DAB2IP: variants seen among roughly 807,000 people sequenced by gnomAD.
DAB2IP encodes DAB2 interacting protein.
A neutral mutation model predicts 107.2 loss-of-function variants in DAB2IP; 28 were observed. The ratio of observed to expected loss-of-function variants is 0.26; its 90% CI spans 0.19 to 0.36. The LOEUF (loss-of-function observed/expected upper bound fraction) is 0.36, where lower values mean the gene tolerates loss of function less well. DAB2IP is among the 10% of genes least tolerant of loss of function. DAB2IP has a pLI of 1.00. For synonymous variants in DAB2IP, 755 were observed against 706.4 expected, an observed-to-expected ratio of 1.07 and a Z score of -1.09; for missense variants, 1,400 against 1,644.7, an observed-to-expected ratio of 0.85 and a Z score of 2.57.
intron 1 of DAB2IP, among the ~76,000 whole-genome samples, chr9:121,653,688 A>C (rs1832857048): frequency 6.7e-6 from 1 of 149,332 alleles, no homozygotes. Context: ...TCCTCTTCTC[A>C]CCTCAGCCCA....
rs1400853224 is a variant in DAB2IP at position 121,699,127 on chromosome 9, G to T, written c.229-198G>T. Reference sequence around the variant, plus strand: ...CGTGGCGGGCGGGGTGGGCTGGGCCGCGCTGCGCGGGCCGGGCCGTCGGCG... The same window carrying T: ...CGTGGCGGGCGGGGTGGGCTGGGCCTCGCTGCGCGGGCCGGGCCGTCGGCG... On this transcript the variant is annotated intron_variant, in intron 2 of 15. Transcript: ENST00000408936. This position sits in a 1 kb window ranked among gnomAD's most constrained non-coding sequence, Gnocchi z 6.2. Among the ~76,000 whole-genome samples the T allele has an allele frequency of 6.9e-6, 1 of 145,766 alleles. No homozygotes were observed. The highest frequency in any genetic ancestry group is 1.5e-5 in the Non-Finnish European group (1 of 65,640).
chr9:121,766,750 C>T lies in DAB2IP; in HGVS notation c.1697+20C>T. 6.2e-7 allele frequency: 1 copy of T among 1,612,552 alleles called. No homozygotes were observed. The highest frequency in any genetic ancestry group is 8.5e-7 in the Non-Finnish European group (1 of 1,179,066). On this transcript the variant is annotated intron_variant, in intron 9 of 15. Coordinates refer to ENST00000408936, the Ensembl canonical transcript of DAB2IP. ...TGCCAAGTGAGTGCCTCCTCCCTCA[C>T]CAGGCAGAGTTGGGCAGGGCTGGTG...
At chr9:121,747,089 C>T (rs1832769193) in intron 3 of DAB2IP, among the ~76,000 whole-genome samples, 1 of 152,080 alleles carries the variant, frequency 6.6e-6, no homozygotes, top group African/African-American at 2.4e-5. Flanking sequence ...AGAGTTGCTG[C>T]AGTTGTGGCT....
In DAB2IP at chr9:121,714,827, T is replaced by C. The variant is rs561240586; in HGVS notation, c.362+15369T>C. ...TCTGGTGGGGGTGGTGGGGAGGGCC[T>C]CCCCGATGACAAAAGGAGTAAGCTG... On this transcript the variant is annotated intron_variant, in intron 3 of 15. Coordinates refer to ENST00000408936, the Ensembl canonical transcript of DAB2IP. Among the ~76,000 whole-genome samples the C allele has an allele frequency of 8.5e-5, 13 of 152,242 alleles. 1 individual carries two copies. Among genetic ancestry groups the C allele is most frequent in the Admixed American group, 4.6e-4 (7 of 15,300 alleles).
exon 16 of DAB2IP, chr9:121,785,219 T>C (rs1835926039): frequency 6.6e-6 from 1 of 152,584 alleles, no homozygotes; most frequent in Non-Finnish European, 1.5e-5. Context: ...CTGCCCCAGG[T>C]ACACCTCCCC....
chr9:121,654,611 A>G (rs546622006), intron 1 of DAB2IP, among the ~76,000 whole-genome samples: 20 of 151,938 alleles, frequency 1.3e-4, no homozygotes, highest in African/African-American at 3.4e-4. Context: ...CAGACGCCTG[A>G]CTCTACCCCA....
chr9:121,582,747 C>T (rs972994588), intron 1 of DAB2IP, among the ~76,000 whole-genome samples: 3 of 152,226 alleles, frequency 2.0e-5, no homozygotes, highest in East Asian at 1.9e-4. Context: ...TCTTCTGAGC[C>T]GGAAACACCT....
rs954528633 is a variant in DAB2IP, at chr9:121,701,782, C to G, written c.362+2324C>G. ...ACCCCGCCCGCCCCCCAGCTCATGG[C>G]CAAACCTGGATGAGTGGAGCAGTGC... On this transcript the variant is annotated intron_variant, in intron 3 of 15. Transcript: ENST00000408936. The surrounding 1 kb of genome is among the most constrained non-coding windows in gnomAD (Gnocchi z 4.7). 3.3e-5 allele frequency among the ~76,000 whole-genome samples: 5 copies of G among 152,146 alleles called. No individual in the cohort carries two copies. Among genetic ancestry groups the G allele is most frequent in the Non-Finnish European group, 5.9e-5 (4 of 68,036 alleles).
At chr9:121,641,996 T>C (rs1160919668) in intron 1 of DAB2IP, among the ~76,000 whole-genome samples, 3 of 8,530 alleles carry the variant, frequency 3.5e-4, no homozygotes, top group Non-Finnish European at 6.0e-4. Context: ...TTCTTTCCTT[T>C]CTCTCTCTCT....
intron 3 of DAB2IP, chr9:121,751,503 C>G (rs1485328699): frequency 6.6e-6 from 1 of 152,622 alleles, no homozygotes; most frequent in Non-Finnish European, 1.5e-5. Context: ...CCCTTGAAAA[C>G]TGAGGAAGGA....
chr9:121,573,424 G>A (rs1211731643), intron 1 of DAB2IP, among the ~76,000 whole-genome samples: 2 of 151,528 alleles, frequency 1.3e-5, no homozygotes, highest in East Asian at 1.9e-4. Context: ...TCACTCTGTC[G>A]CCCAGTTTAG....
rs539719294 is a variant in DAB2IP at position 121,594,175 on chromosome 9, G to A, written c.40+26947G>A. Among the ~76,000 whole-genome samples, 3 of 151,876 alleles carry A rather than the reference G, an allele frequency of 2.0e-5. No individual in the cohort carries two copies. The South Asian group carries it at 6.2e-4, about 32-fold the overall frequency. On this transcript the variant is annotated intron_variant, in intron 1 of 16. Coordinates refer to the DAB2IP transcript ENST00000259371. The stretch of plus-strand genomic sequence containing the variant: ...AACCCAGCAACAGGCTCAGAGGGAT[G>A]TAGTAGCATGCTCTAGGTCACACAG...
rs777565241 is a variant in DAB2IP, at chr9:121,759,879, A to G, written c.616-6A>G. On this transcript the variant is annotated splice_polypyrimidine_tract_variant and splice_region_variant and intron_variant, in intron 5 of 15. Coordinates refer to ENST00000408936, the Ensembl canonical transcript of DAB2IP. Reference sequence around the variant, plus strand: ...CTGACCACCCTGGACCCCCGTGCACATACAGGACAACAGCCGGCGTGTGGA... The same window carrying G: ...CTGACCACCCTGGACCCCCGTGCACGTACAGGACAACAGCCGGCGTGTGGA... 1 of 1,610,236 alleles carries G rather than the reference A, an allele frequency of 6.2e-7. No homozygotes were observed. The highest frequency in any genetic ancestry group is 8.5e-7 in the Non-Finnish European group (1 of 1,177,596).
In DAB2IP at chr9:121,726,028, A is replaced by C. The variant is rs1394432923; in HGVS notation, c.362+26570A>C. On this transcript the variant is annotated intron_variant, in intron 3 of 15. Coordinates refer to ENST00000408936, the Ensembl canonical transcript of DAB2IP. ...CTCCTGAAATCCTTAGATTCTTTAAAGTGATGTCTACTTATTTGCTAATGA... is the reference window on the plus strand; with the variant it reads ...CTCCTGAAATCCTTAGATTCTTTAACGTGATGTCTACTTATTTGCTAATGA... Among the ~76,000 whole-genome samples, 9 of 152,296 alleles carry C rather than the reference A, an allele frequency of 5.9e-5. No homozygotes were observed. The South Asian group carries it at 1.5e-3, about 25-fold the overall frequency.
chr9:121,659,039 G>C (rs748762466), intron 1 of DAB2IP, among the ~76,000 whole-genome samples: 5 of 152,230 alleles, frequency 3.3e-5, no homozygotes, highest in Non-Finnish European at 7.3e-5. Flanking sequence ...TGGAGGCGAT[G>C]TGCCGACATA....
At chr9:121,738,575 C>T (rs1307204184) in intron 3 of DAB2IP, among the ~76,000 whole-genome samples, 1 of 152,146 alleles carries the variant, frequency 6.6e-6, no homozygotes, top group Non-Finnish European at 1.5e-5. Context: ...ACTTCTCAGG[C>T]CTGCAGTCAT....
chr9:121,742,321 C>T (rs140110141), intron 3 of DAB2IP, among the ~76,000 whole-genome samples: 1,961 of 152,270 alleles, frequency 0.013, 52 homozygotes, highest in African/African-American at 0.044. Context: ...CCTAGCTACT[C>T]GGGAGGCTGA....
chr9:121,737,493 T>C, intron 3 of DAB2IP: 1 of 985,432 alleles, frequency 1.0e-6, no homozygotes, highest in Non-Finnish European at 1.2e-6. Context: ...AGAGGCCCCC[T>C]AATCTGTCCA....
rs570444715 is a variant in DAB2IP at position 121,757,417 on chromosome 9, G to A, written c.516+251G>A. 2.6e-5 allele frequency among the ~76,000 whole-genome samples: 4 copies of A among 152,334 alleles called. No homozygotes were observed. In the South Asian group the frequency reaches 8.3e-4, roughly 32 times the overall value. On this transcript the variant is annotated intron_variant, in intron 4 of 15. Coordinates refer to ENST00000408936, the Ensembl canonical transcript of DAB2IP. ...CACCTGTTCTCCATGCTAGCCTGAA[G>A]CTGCTGGGGCCCCCAGTGGATGACA...
Sources: allele counts gnomAD v4.1 joint callset (sites outside exome capture counted in the v4.1 genomes callset), GRCh38; gene constraint gnomAD v4.1.1; non-coding constraint Gnocchi (gnomAD v3.1); transcripts MANE v1.5; gene names NCBI Gene and HGNC (gene_info 2026-07-23, HGNC 2026-07-21).